NMNAT2: variants seen among roughly 807,000 people sequenced by gnomAD.
NMNAT2 encodes nicotinamide nucleotide adenylyltransferase 2.
In NMNAT2, 11 loss-of-function variants were observed where a neutral mutation model predicts 41.6. The ratio of observed to expected loss-of-function variants is 0.26; its 90% CI spans 0.17 to 0.44. The LOEUF (loss-of-function observed/expected upper bound fraction) is 0.44, where lower values mean the gene tolerates loss of function less well. Among genes scored for constraint, NMNAT2 ranks in the 20% least tolerant of loss-of-function variants. The pLI, the probability that NMNAT2 is intolerant of heterozygous loss-of-function variation, is 1.00. For synonymous variants in NMNAT2, 148 were observed against 151.2 expected (o/e 0.98, Z 0.16); for missense variants, 288 against 407.7 (o/e 0.71, Z 2.53).
At chr1:183,354,042 A>G (rs1234775189) in intron 1 of NMNAT2, among the ~76,000 whole-genome samples, 2 of 152,182 alleles carry the variant, frequency 1.3e-5, no homozygotes, top group African/African-American at 2.4e-5. Flanking sequence ...TGAGTTTAGT[A>G]GATAAAATTT....
At chr1:183,301,583 T>C (rs1468345853) in intron 1 of NMNAT2, among the ~76,000 whole-genome samples, 1 of 152,216 alleles carries the variant, frequency 6.6e-6, no homozygotes, top group African/African-American at 2.4e-5. Flanking sequence ...CCTGTGCTCA[T>C]GGAGGAGGAC....
At chr1:183,292,934 C>T (rs539803031) in intron 2 of NMNAT2, 77 bp from the exon 3 acceptor site, 3 of 1,383,544 alleles carry the variant, frequency 2.2e-6, no homozygotes, top group East Asian at 2.3e-5. Flanking sequence ...CCCAAGCCCA[C>T]CCATTGTTAA....
chr1:183,291,963 T>C (rs1435985790), intron 3 of NMNAT2, among the ~76,000 whole-genome samples: 1 of 152,002 alleles, frequency 6.6e-6, no homozygotes, highest in Non-Finnish European at 1.5e-5. Context: ...CCTTCACTGC[T>C]CTCATTCCCG....
At chr1:183,313,934 G>T (rs965979514) in intron 1 of NMNAT2, among the ~76,000 whole-genome samples, 1 of 152,198 alleles carries the variant, frequency 6.6e-6, no homozygotes, top group Admixed American at 6.5e-5. Flanking sequence ...CTGCAGCTGG[G>T]ATTTGTCTCT....
At chr1:183,345,435 A>G (rs1662905997) in intron 1 of NMNAT2, among the ~76,000 whole-genome samples, 3 of 152,162 alleles carry the variant, frequency 2.0e-5, no homozygotes, top group Non-Finnish European at 4.4e-5. Flanking sequence ...GCTCTCATGA[A>G]TGGATTAATC....
At chr1:183,411,157 C>T (rs1432949968) in intron 1 of NMNAT2, among the ~76,000 whole-genome samples, 1 of 152,132 alleles carries the variant, frequency 6.6e-6, no homozygotes, top group East Asian at 1.9e-4. Context: ...TCATTCTCAC[C>T]TCTTTTGTAA....
intron 4 of NMNAT2, among the ~76,000 whole-genome samples, chr1:183,289,482 C>T (rs1465400850): frequency 1.3e-5 from 2 of 152,226 alleles, no homozygotes; most frequent in Admixed American, 6.5e-5. Flanking sequence ...ATGGGGAATA[C>T]AGAAGCTCTC....
Position 183,395,386 on chromosome 1 carries a change from G to A in NMNAT2, c.85+22797C>T, listed in dbSNP as rs544547761. 1.2e-4 allele frequency among the ~76,000 whole-genome samples: 18 copies of A among 151,872 alleles called. No individual in the cohort carries two copies. The South Asian group carries it at 2.5e-3, about 21-fold the overall frequency. On this transcript the variant is annotated intron_variant, in intron 1 of 10. Transcript: ENST00000287713. ...AGAGGTGGGTCAAGGAAGATAAGTCGGGGGCAGGGGAAGCCAGGGCATTTT... is the reference window on the plus strand; with the variant it reads ...AGAGGTGGGTCAAGGAAGATAAGTCAGGGGCAGGGGAAGCCAGGGCATTTT...
chr1:183,329,564 C>T (rs941445929), intron 1 of NMNAT2, among the ~76,000 whole-genome samples: 2 of 152,174 alleles, frequency 1.3e-5, no homozygotes, highest in Non-Finnish European at 2.9e-5. Context: ...GATGACCCTG[C>T]TAAGATCATT....
chr1:183,272,245 C>A (rs1191507050), intron 8 of NMNAT2, among the ~76,000 whole-genome samples: 3 of 152,174 alleles, frequency 2.0e-5, no homozygotes, highest in African/African-American at 4.8e-5. Flanking sequence ...TGCCTGGATG[C>A]CTGCATTGAT....
intron 1 of NMNAT2, among the ~76,000 whole-genome samples, chr1:183,302,286 A>G (rs1252956747): frequency 6.6e-6 from 1 of 152,168 alleles, no homozygotes; most frequent in Non-Finnish European, 1.5e-5. Context: ...CACAGCATAT[A>G]CTTTGCTGAA....
At chr1:183,350,174 T>C (rs1663015737) in intron 1 of NMNAT2, among the ~76,000 whole-genome samples, 1 of 152,146 alleles carries the variant, frequency 6.6e-6, no homozygotes, top group Admixed American at 6.5e-5. Flanking sequence ...TAGAGGGTGG[T>C]AAGTGCTGTG....
chr1:183,372,678 T>G (rs1663576083), intron 1 of NMNAT2, among the ~76,000 whole-genome samples: 1 of 152,180 alleles, frequency 6.6e-6, no homozygotes, highest in African/African-American at 2.4e-5. Context: ...AAATGCCCCC[T>G]CTCTTTTCTT....
intron 1 of NMNAT2, among the ~76,000 whole-genome samples, chr1:183,395,365 G>T (rs1459562842): frequency 6.6e-6 from 1 of 151,866 alleles, no homozygotes; most frequent in African/African-American, 2.4e-5. Context: ...TGTGATAGAG[G>T]TGGGTCAAGG....
chr1:183,329,236 TTG>T (rs954435593), intron 1 of NMNAT2, among the ~76,000 whole-genome samples: 22 of 152,046 alleles, frequency 1.4e-4, no homozygotes, highest in African/African-American at 2.4e-4. Flanking sequence ...TCCATTTTAA[TTG>T]TGTGTGTGTG....
intron 1 of NMNAT2, among the ~76,000 whole-genome samples, chr1:183,414,193 T>C (rs1053158935): frequency 6.6e-6 from 1 of 152,174 alleles, no homozygotes; most frequent in Non-Finnish European, 1.5e-5. Context: ...AAACAGGAGT[T>C]TGAGGCTGCA....
At chr1:183,385,851 G>A (rs1042184285) in intron 1 of NMNAT2, among the ~76,000 whole-genome samples, 1 of 152,066 alleles carries the variant, frequency 6.6e-6, no homozygotes, top group African/African-American at 2.4e-5. Flanking sequence ...TTATTTGATC[G>A]TTCCTCTCTC....
intron 1 of NMNAT2, among the ~76,000 whole-genome samples, chr1:183,363,259 AC>A (rs1310350782): frequency 6.6e-6 from 1 of 152,184 alleles, no homozygotes; most frequent in East Asian, 1.9e-4. Context: ...TAGTTATGTG[AC>A]CTCAAGAAAG....
chr1:183,270,074 C>T (rs958568465), intron 8 of NMNAT2, among the ~76,000 whole-genome samples: 3 of 152,016 alleles, frequency 2.0e-5, no homozygotes, highest in African/African-American at 7.2e-5. Flanking sequence ...TTAGTAGAGA[C>T]GGGGTTTCAC....
Sources: allele counts gnomAD v4.1 joint callset (sites outside exome capture counted in the v4.1 genomes callset), GRCh38; gene constraint gnomAD v4.1.1; transcripts MANE v1.5; gene names NCBI Gene and HGNC (gene_info 2026-07-23, HGNC 2026-07-21).